The following TMEM117 variants were observed in gnomAD, a reference collection of about 807,000 sequenced individuals.
TMEM117 encodes the protein transmembrane protein 117.
In TMEM117, 27 loss-of-function variants were observed where a neutral mutation model predicts 52.4. The observed-to-expected ratio is 0.51, with a 90% CI of 0.38 to 0.71. The LOEUF is 0.71. Ranked by LOEUF, TMEM117 falls within the 30% of genes least tolerant of loss-of-function variation. The probability of loss-of-function intolerance (pLI) is 0.00; values close to 1 mark genes in which losing one functional copy is unlikely to be tolerated. For missense variants in TMEM117, 556 were observed against 630.5 expected, an observed-to-expected ratio of 0.88 and a Z score of 1.26; for synonymous variants, 215 against 206.3, an observed-to-expected ratio of 1.04 and a Z score of -0.36.
chr12:44,068,846 CA>C (rs1481114279), intron 3 of TMEM117, among the ~76,000 whole-genome samples: 2 of 152,132 alleles, frequency 1.3e-5, no homozygotes, highest in Non-Finnish European at 2.9e-5. Flanking sequence ...TTGTGAAAAA[CA>C]CAGTATCTGT....
intron 2 of TMEM117, among the ~76,000 whole-genome samples, chr12:43,923,985 G>C (rs936997029): frequency 2.8e-4 from 43 of 152,228 alleles, no homozygotes; most frequent in African/African-American, 1.0e-3. Flanking sequence ...TAGTGGCTAA[G>C]TAAATTACTC....
In TMEM117 at chr12:44,349,313, G is replaced by T. The variant is rs528417582; in HGVS notation, c.769-27282G>T. On this transcript the variant is annotated intron_variant, in intron 6 of 7. Coordinates refer to ENST00000266534, the MANE Select transcript of TMEM117 (RefSeq NM_032256.3). ...TTCTGTCATACAATGAATTTCTATT[G>T]TTTAAACAAACAATACGTCAGTTTC... Among the ~76,000 whole-genome samples, 6 of 152,056 alleles carry T rather than the reference G, an allele frequency of 3.9e-5. 1 individual carries two copies. The South Asian group carries it at 8.3e-4, about 21-fold the overall frequency.
At chr12:44,142,862 G>A (rs1948590014) in intron 3 of TMEM117, among the ~76,000 whole-genome samples, 1 of 152,098 alleles carries the variant, frequency 6.6e-6, no homozygotes, top group South Asian at 2.1e-4. Flanking sequence ...AAATGAAAAT[G>A]CCTGATGAAC....
At chr12:43,875,309 GT>G (rs1194384513) in intron 2 of TMEM117, among the ~76,000 whole-genome samples, 1 of 152,062 alleles carries the variant, frequency 6.6e-6, no homozygotes, top group African/African-American at 2.4e-5. Flanking sequence ...TGTGCTAAAG[GT>G]GTGCCGGGAG....
At chr12:44,259,074 T>A (rs941652080) in intron 5 of TMEM117, among the ~76,000 whole-genome samples, 8 of 152,178 alleles carry the variant, frequency 5.3e-5, no homozygotes, top group Non-Finnish European at 1.2e-4. Flanking sequence ...TGTACTTCAC[T>A]TTTCATATTA....
At chr12:43,937,756 G>T (rs1224305182) in intron 2 of TMEM117, among the ~76,000 whole-genome samples, 2 of 152,022 alleles carry the variant, frequency 1.3e-5, no homozygotes, top group Non-Finnish European at 2.9e-5. Flanking sequence ...AAATCCACTG[G>T]ACAAATAACT....
At chr12:44,024,176 A>G (rs921907852) in intron 3 of TMEM117, among the ~76,000 whole-genome samples, 4 of 152,212 alleles carry the variant, frequency 2.6e-5, no homozygotes, top group East Asian at 3.8e-4. Flanking sequence ...GGAGATGTGT[A>G]TAGTTTGTCT....
intron 6 of TMEM117, among the ~76,000 whole-genome samples, chr12:44,358,585 G>T (rs775464107): frequency 6.6e-6 from 1 of 152,084 alleles, no homozygotes; most frequent in African/African-American, 2.4e-5. Context: ...CCCTGGCTCT[G>T]TAAGTTTATC....
chr12:44,257,868 G>T (rs1425402080), intron 5 of TMEM117, among the ~76,000 whole-genome samples: 2 of 151,996 alleles, frequency 1.3e-5, no homozygotes, highest in African/African-American at 2.4e-5. Flanking sequence ...TATGTTTTTG[G>T]ATTTTGCCAG....
At chr12:43,988,908 T>A (rs1296814168) in intron 3 of TMEM117, among the ~76,000 whole-genome samples, 1 of 152,146 alleles carries the variant, frequency 6.6e-6, no homozygotes, top group African/African-American at 2.4e-5. Context: ...CACCTTTTCC[T>A]TATGAGTTTC....
chr12:44,052,979 C>T (rs1946999028), intron 3 of TMEM117, among the ~76,000 whole-genome samples: 2 of 152,160 alleles, frequency 1.3e-5, no homozygotes, highest in African/African-American at 4.8e-5. Context: ...CCAGTCTTTC[C>T]AACCTTAGAG....
At chr12:44,346,877 T>G (rs1422857862) in intron 6 of TMEM117, among the ~76,000 whole-genome samples, 1 of 152,086 alleles carries the variant, frequency 6.6e-6, no homozygotes, top group African/African-American at 2.4e-5. Flanking sequence ...TGCAAGTGGT[T>G]GTATTAGGTA....
intron 3 of TMEM117, among the ~76,000 whole-genome samples, chr12:43,944,933 A>G (rs544966151): frequency 6.6e-6 from 1 of 152,064 alleles, no homozygotes; most frequent in Non-Finnish European, 1.5e-5. Flanking sequence ...CAACATGGTG[A>G]AACTCCATCT....
intron 6 of TMEM117, among the ~76,000 whole-genome samples, chr12:44,302,304 C>A (rs1950850731): frequency 6.6e-6 from 1 of 152,194 alleles, no homozygotes; most frequent in Admixed American, 6.5e-5. Context: ...TCTCTGAGTG[C>A]CCTCCATGGT....
intron 2 of TMEM117, among the ~76,000 whole-genome samples, chr12:43,861,224 A>G (rs1337779029): frequency 6.6e-6 from 1 of 152,120 alleles, no homozygotes; most frequent in Non-Finnish European, 1.5e-5. Flanking sequence ...TTGTCTTTAA[A>G]GTTCTCACTC....
At chr12:43,814,637 C>T in the TMEM117 span, among the ~76,000 whole-genome samples, 1 of 152,054 alleles carries the variant, frequency 6.6e-6, no homozygotes, top group Non-Finnish European at 1.5e-5. Flanking sequence ...CACTGCAGCT[C>T]CTGTGGAGGT....
At chr12:43,921,041 A>G (rs774167643) in intron 2 of TMEM117, among the ~76,000 whole-genome samples, 7 of 151,816 alleles carry the variant, frequency 4.6e-5, no homozygotes, top group Non-Finnish European at 8.8e-5. Context: ...AAACTTGTCT[A>G]CCCTTCTGTG....
chr12:44,352,358 A>G (rs190354515), intron 6 of TMEM117, among the ~76,000 whole-genome samples: 1 of 152,082 alleles, frequency 6.6e-6, no homozygotes, highest in African/African-American at 2.4e-5. Context: ...GGTTTGTTAC[A>G]TACGTATACC....
At chr12:43,848,325 T>G (rs945480879) in intron 2 of TMEM117, among the ~76,000 whole-genome samples, 1 of 152,030 alleles carries the variant, frequency 6.6e-6, no homozygotes, top group Non-Finnish European at 1.5e-5. Context: ...GCCTGAGGGT[T>G]CTTCAGGAGA....
Sources: allele counts gnomAD v4.1 joint callset (sites outside exome capture counted in the v4.1 genomes callset), GRCh38; gene constraint gnomAD v4.1.1; transcripts MANE v1.5; gene names NCBI Gene and HGNC (gene_info 2026-07-23, HGNC 2026-07-21).